Variants in LEPR observed in about 807,000 individuals in gnomAD.
LEPR encodes the protein OB receptor.
LEPR carries 56 observed loss-of-function variants against 114.7 expected under a neutral mutation model. That is an observed-to-expected ratio of 0.49 (90% CI 0.39 to 0.61). The LOEUF (loss-of-function observed/expected upper bound fraction) is 0.61, where lower values mean the gene tolerates loss of function less well. Ranked by LOEUF, LEPR falls within the 20% of genes least tolerant of loss-of-function variation. The pLI is 0.00. For synonymous variants in LEPR, 443 were observed against 461.4 expected, an observed-to-expected ratio of 0.96 and a Z score of 0.51; for missense variants, 1,202 against 1,352.9, an observed-to-expected ratio of 0.89 and a Z score of 1.75.
intron 2 of LEPR, among the ~76,000 whole-genome samples, chr1:65,454,698 C>G (rs1360046131): frequency 6.6e-6 from 1 of 152,164 alleles, no homozygotes; most frequent in Non-Finnish European, 1.5e-5. Context: ...CAACCTTTCT[C>G]TCTGGCTGCC....
At chr1:65,533,861 G>A (rs1487750030) in intron 2 of LEPR, among the ~76,000 whole-genome samples, 1 of 151,992 alleles carries the variant, frequency 6.6e-6, no homozygotes, top group Non-Finnish European at 1.5e-5. Flanking sequence ...GTATGATATT[G>A]ATATAACTCC....
chr1:65,553,380 A>G (rs975921408), intron 2 of LEPR, among the ~76,000 whole-genome samples: 4 of 152,106 alleles, frequency 2.6e-5, no homozygotes, highest in Non-Finnish European at 5.9e-5. Context: ...GTCTTTTCAC[A>G]TAGTCCCATA....
chr1:65,565,264 A>G (rs1480507960), intron 2 of LEPR, among the ~76,000 whole-genome samples: 1 of 152,212 alleles, frequency 6.6e-6, no homozygotes, highest in Non-Finnish European at 1.5e-5. Context: ...TTAAAATTTC[A>G]GTCTTATCCC....
At chr1:65,508,580 T>A (rs1052319495) in intron 2 of LEPR, among the ~76,000 whole-genome samples, 51 of 152,322 alleles carry the variant, frequency 3.3e-4, no homozygotes, top group African/African-American at 1.2e-3. Context: ...GTTGTTTTGA[T>A]TACTATAATT....
At chr1:65,454,691 C>T (rs940470715) in intron 2 of LEPR, among the ~76,000 whole-genome samples, 2 of 152,144 alleles carry the variant, frequency 1.3e-5, no homozygotes, top group East Asian at 1.9e-4. Flanking sequence ...GGTAACCCAA[C>T]CTTTCTCTCT....
chr1:65,433,653 T>C (rs1031568967), intron 2 of LEPR: 23 of 985,206 alleles, frequency 2.3e-5, no homozygotes, highest in Non-Finnish European at 2.8e-5. Context: ...TTTTATGTTT[T>C]CAGTGTCCTG....
intron 2 of LEPR, among the ~76,000 whole-genome samples, chr1:65,505,754 CTTT>C (rs34274342): frequency 7.4e-4 from 107 of 145,174 alleles, no homozygotes; most frequent in African/African-American, 2.0e-3. Flanking sequence ...CTCACCATCC[CTTT>C]TTTTTTTTTT....
chr1:65,604,980 T>G (rs1570799804), intron 10 of LEPR, 58 bp from the exon 11 acceptor site: 1 of 1,592,754 alleles, frequency 6.3e-7, no homozygotes, highest in East Asian at 2.2e-5. Context: ...AATTCTCAGA[T>G]ATCTTCTTGT....
intron 2 of LEPR, among the ~76,000 whole-genome samples, chr1:65,452,484 A>G (rs918564828): frequency 2.0e-5 from 3 of 152,046 alleles, no homozygotes; most frequent in Non-Finnish European, 2.9e-5. Context: ...AGTTTTTAGC[A>G]TGAAGGGTTG....
intron 2 of LEPR, among the ~76,000 whole-genome samples, chr1:65,563,785 AGCTGCAGGTCT>A (rs1318532459): frequency 6.6e-5 from 7 of 105,366 alleles, no homozygotes; most frequent in African/African-American, 2.4e-4. Context: ...CAGGACCCTC[AGCTGCAGGTCT>A]GTTGGAATAC....
intron 11 of LEPR, among the ~76,000 whole-genome samples, chr1:65,605,757 T>C (rs1188793213): frequency 6.6e-6 from 1 of 152,186 alleles, no homozygotes; most frequent in Non-Finnish European, 1.5e-5. Context: ...TTCAAAAAAC[T>C]TTTGATTTCA....
intron 8 of LEPR, among the ~76,000 whole-genome samples, chr1:65,599,910 A>G (rs1656330466): frequency 6.6e-6 from 1 of 152,076 alleles, no homozygotes; most frequent in Admixed American, 6.6e-5. Flanking sequence ...TCCAGTGTAA[A>G]TTTCACAAAT....
intron 2 of LEPR, among the ~76,000 whole-genome samples, chr1:65,549,188 T>A (rs1405386748): frequency 6.6e-6 from 1 of 151,572 alleles, no homozygotes; most frequent in East Asian, 1.9e-4. Context: ...GCTGTTAGTC[T>A]GATGGGCTTC....
intron 2 of LEPR, among the ~76,000 whole-genome samples, chr1:65,549,228 G>C (rs916874360): frequency 6.7e-6 from 1 of 149,460 alleles, no homozygotes; most frequent in Non-Finnish European, 1.5e-5. Context: ...CTTTCTCTCT[G>C]GCTGCCCTTA....
At chr1:65,482,123 T>TACACAC (rs141690381) in intron 2 of LEPR, among the ~76,000 whole-genome samples, 63,300 of 149,426 alleles carry the variant, frequency 0.42, 14,405 homozygotes, top group Non-Finnish European at 0.52. Context: ...ATTTTACACA[T>TACACAC]ACACACACAC....
intron 2 of LEPR, among the ~76,000 whole-genome samples, chr1:65,465,650 G>A (rs904270073): frequency 6.6e-6 from 1 of 152,154 alleles, no homozygotes; most frequent in East Asian, 1.9e-4. Flanking sequence ...TTATTATTGT[G>A]TGGGAGTCTA....
intron 2 of LEPR, among the ~76,000 whole-genome samples, chr1:65,426,249 A>G (rs576350960): frequency 1.3e-5 from 2 of 152,274 alleles, no homozygotes; most frequent in African/African-American, 2.4e-5. Flanking sequence ...GAAAGTGTAT[A>G]TAGCCTTTTC....
chr1:65,601,228 C>T (rs1656419607), intron 8 of LEPR, among the ~76,000 whole-genome samples, 164 bp from the exon 9 acceptor site: 1 of 151,990 alleles, frequency 6.6e-6, no homozygotes, highest in African/African-American at 2.4e-5. Context: ...CACTAGATAA[C>T]TGTACACAAA....
At chr1:65,592,559 A>C (rs1003702005) in intron 5 of LEPR, 98 bp from the exon 6 acceptor site, 9 of 1,354,514 alleles carry the variant, frequency 6.6e-6, no homozygotes, top group Non-Finnish European at 8.2e-6. Flanking sequence ...TGGGTGTCCC[A>C]AATAGTTTAC....
Sources: gnomAD v4.1 joint callset for allele counts (sites outside exome capture counted in the v4.1 genomes callset) on GRCh38, gnomAD v4.1.1 for gene constraint, MANE v1.5 for transcripts, NCBI Gene and HGNC (gene_info 2026-07-23, HGNC 2026-07-21) for gene names.